LAMB4: variants seen among roughly 807,000 people sequenced by gnomAD.
LAMB4 encodes the protein laminin subunit beta-4.
In LAMB4, 196 loss-of-function variants were observed where a neutral mutation model predicts 199.2. That is an observed-to-expected ratio of 0.98 (90% confidence interval 0.88 to 1.11). The LOEUF (loss-of-function observed/expected upper bound fraction) is 1.11. LAMB4 is among the 50% of genes least tolerant of loss of function. The pLI is 0.00. For synonymous variants in LAMB4, 744 were observed against 770.6 expected, an observed-to-expected ratio of 0.97 and a Z score of 0.57; for missense variants, 2,080 against 2,171.2, an observed-to-expected ratio of 0.96 and a Z score of 0.83.
intron 10 of LAMB4, among the ~76,000 whole-genome samples, chr7:108,099,563 T>G (rs1386206083): frequency 1.3e-5 from 2 of 152,170 alleles, no homozygotes; most frequent in Non-Finnish European, 2.9e-5. Context: ...ATGACAAATG[T>G]GTTGTTGGGC....
chr7:108,068,293 G>T, intron 18 of LAMB4, 134 bp from the exon 19 acceptor site: 1 of 842,668 alleles, frequency 1.2e-6, no homozygotes, highest in Non-Finnish European at 1.8e-6. Context: ...TGTTAAATAG[G>T]AATAATATAG....
chr7:108,087,530 G>T (rs1312862322), intron 14 of LAMB4, among the ~76,000 whole-genome samples: 1 of 152,230 alleles, frequency 6.6e-6, no homozygotes, highest in Non-Finnish European at 1.5e-5. Flanking sequence ...AATAACAAGG[G>T]ATGGCTACAA....
At chr7:108,112,025 A>T (rs369505) in intron 3 of LAMB4, 79 bp from the exon 4 acceptor site, 488,467 of 1,163,154 alleles carry the variant, frequency 0.42, 103,635 homozygotes, top group Non-Finnish European at 0.43. Flanking sequence ...CAAGCTGTAC[A>T]TACTATATTT....
chr7:108,022,159 C>A (rs2034707675), downstream of LAMB4, among the ~76,000 whole-genome samples: 1 of 152,168 alleles, frequency 6.6e-6, no homozygotes, highest in Non-Finnish European at 1.5e-5. Flanking sequence ...CCAGCCATTT[C>A]TTTTTGTATG....
intron 3 of LAMB4, among the ~76,000 whole-genome samples, chr7:108,112,483 G>T (rs539332357): frequency 7.5e-6 from 1 of 132,820 alleles, no homozygotes; most frequent in African/African-American, 2.7e-5. Context: ...ATTAGAGACA[G>T]GTTTTCACCA....
Position 108,068,096 on chromosome 7 carries a change from T to G in LAMB4, c.2366A>C (p.Gln789Pro). Residue 789 changes from glutamine to proline, a missense_variant, in exon 19 of 34, where the codon CAG (glutamine) becomes CCG (proline). By Grantham distance (76) the Gln-to-Pro change is moderately conservative (BLOSUM62 -1). Coordinates refer to ENST00000388781, the MANE Select transcript of LAMB4 (RefSeq NM_007356.3). The part of the protein sequence containing the change: ...SSCSRLGGQC[Q>P]CKPLVVGRCC... Reference sequence around the variant, plus strand: ...GCGCCCGACCACAAGAGGTTTACACTGGCACTGGCCTCCAAGTCGGCTGCA... The same window carrying G: ...GCGCCCGACCACAAGAGGTTTACACGGGCACTGGCCTCCAAGTCGGCTGCA... The G allele has an allele frequency of 6.2e-7, 1 of 1,614,174 alleles. No individual in the cohort carries two copies. Among genetic ancestry groups the G allele is most frequent in the Non-Finnish European group, 8.5e-7 (1 of 1,180,028 alleles).
At chr7:108,121,902 A>T (rs1417189565) in intron 2 of LAMB4, among the ~76,000 whole-genome samples, 1 of 152,212 alleles carries the variant, frequency 6.6e-6, no homozygotes, top group Admixed American at 6.5e-5. Context: ...TGCAGTATTT[A>T]TGTAAGTGTC....
chr7:108,114,184 G>A (rs571170948), intron 3 of LAMB4, among the ~76,000 whole-genome samples: 1 of 152,204 alleles, frequency 6.6e-6, no homozygotes, highest in Non-Finnish European at 1.5e-5. Flanking sequence ...GCATTTGGGA[G>A]GCTGAGGCAG....
At chr7:108,122,312 C>G (rs983131690) in intron 2 of LAMB4, among the ~76,000 whole-genome samples, 34 of 152,200 alleles carry the variant, frequency 2.2e-4, no homozygotes, top group African/African-American at 7.9e-4. Flanking sequence ...TGAATGAGAC[C>G]AGTCCTGGGA....
chr7:108,089,351 C>G (rs987530301), intron 14 of LAMB4, among the ~76,000 whole-genome samples: 2 of 152,146 alleles, frequency 1.3e-5, no homozygotes, highest in African/African-American at 4.8e-5. Flanking sequence ...TACAATAGTT[C>G]TTCTCTATTT....
At chr7:108,128,297 C>T (rs1221976821) in intron 1 of LAMB4, among the ~76,000 whole-genome samples, 4 of 151,676 alleles carry the variant, frequency 2.6e-5, no homozygotes, top group Admixed American at 2.6e-4. Flanking sequence ...TCTTTGGCCT[C>T]TCAAACATGG....
intron 17 of LAMB4, among the ~76,000 whole-genome samples, chr7:108,072,184 C>A (rs1300193342): frequency 6.6e-6 from 1 of 152,108 alleles, no homozygotes; most frequent in East Asian, 1.9e-4. Context: ...GGAGAAAACC[C>A]TGTTTATAGT....
At chr7:108,128,500 A>G (rs746888967) in intron 1 of LAMB4, among the ~76,000 whole-genome samples, 1 of 152,158 alleles carries the variant, frequency 6.6e-6, no homozygotes, top group Non-Finnish European at 1.5e-5. Flanking sequence ...GCCCTTAGCT[A>G]TGGGCCTTAT....
intron 14 of LAMB4, among the ~76,000 whole-genome samples, chr7:108,080,745 T>G (rs2150580879): frequency 6.6e-6 from 1 of 152,168 alleles, no homozygotes; most frequent in African/African-American, 2.4e-5. Context: ...AATAAGAAAT[T>G]GTGCTGTCAG....
intron 33 of LAMB4, among the ~76,000 whole-genome samples, chr7:108,024,495 C>T (rs1274540490): frequency 1.3e-5 from 2 of 152,162 alleles, no homozygotes; most frequent in Non-Finnish European, 2.9e-5. Context: ...GCTATATTTC[C>T]AAAGGTTTGT....
rs754887118 is a variant in LAMB4, at chr7:108,091,835, T to C, written c.1551-59A>G. ...AAAGTAGGTGAGCGGAAAATGAAGG[T>C]GTAGGGGTGCTGGGCTAATGCTCCC... On this transcript the variant is annotated intron_variant, in intron 13 of 33. Transcript: ENST00000388781. The C allele has an allele frequency of 2.4e-5, 38 of 1,554,192 alleles. 2 individuals carry two copies. The Admixed American group carries it at 2.9e-4, about 12-fold the overall frequency.
In LAMB4 at chr7:108,024,179, CTGAAAGAAGAAAA is replaced by C; in HGVS notation, c.5147-14_5147-2del. The C allele has an allele frequency of 6.5e-7, 1 of 1,529,758 alleles. No individual in the cohort carries two copies. Among genetic ancestry groups the C allele is most frequent in the South Asian group, 1.2e-5 (1 of 82,318 alleles). The allele number at this position is 1,529,758 out of a possible 1,614,324, so 94.8% of individuals were successfully genotyped here. A position where few individuals can be genotyped will look rare whatever the true frequency, so the allele number is the denominator to read the frequency against. On this transcript the variant is annotated splice_acceptor_variant and splice_polypyrimidine_tract_variant and intron_variant, in intron 33 of 33. Transcript: ENST00000388781. LOFTEE classifies it high-confidence loss of function. ...AAATCTTGGATTTTCCTTTCTAAATCTGAAAGAAGAAAATGAAAGAAATGATATATTTCCATTT... is the reference window on the plus strand; with the variant it reads ...AAATCTTGGATTTTCCTTTCTAAATCTGAAAGAAATGATATATTTCCATTT...
chr7:108,013,949 T>G, the LAMB4 span, among the ~76,000 whole-genome samples: 1 of 152,080 alleles, frequency 6.6e-6, no homozygotes, highest in East Asian at 1.9e-4. Flanking sequence ...GGGAGTAGAT[T>G]CCAATGACAA....
chr7:108,098,305 C>A (rs2037693002), intron 11 of LAMB4, 98 bp downstream of exon 11: 1 of 669,736 alleles, frequency 1.5e-6, no homozygotes. Flanking sequence ...TGTACTCCAG[C>A]CTGGGCGACA....
Sources: allele counts gnomAD v4.1 joint callset (sites outside exome capture counted in the v4.1 genomes callset), GRCh38; gene constraint gnomAD v4.1.1; transcripts MANE v1.5; gene names NCBI Gene and HGNC (gene_info 2026-07-23, HGNC 2026-07-21).